Variants in RNF17 observed in about 807,000 individuals in gnomAD.
RNF17 encodes spermatogenesis associated 23.
Under a neutral mutation model 200.5 loss-of-function variants are expected in RNF17, and 31 were observed. The observed-to-expected ratio is 0.15, with a 90% CI of 0.12 to 0.21. The LOEUF is 0.21. RNF17 is among the 10% of genes least tolerant of loss of function. The probability of loss-of-function intolerance (pLI) is 1.00; values close to 1 mark genes in which losing one functional copy is unlikely to be tolerated. For missense variants in RNF17, 1,628 were observed against 1,905.1 expected, an observed-to-expected ratio of 0.85 and a Z score of 2.71; for synonymous variants, 606 against 637.8, an observed-to-expected ratio of 0.95 and a Z score of 0.75.
Position 24,851,516 on chromosome 13 carries a change from C to T in RNF17, c.3265C>T (p.Arg1089Cys), listed in dbSNP as rs752488820. 1.2e-5 allele frequency: 20 copies of T among 1,613,550 alleles called. No individual in the cohort carries two copies. Among genetic ancestry groups the T allele is most frequent in the East Asian group, 2.2e-5 (1 of 44,846 alleles). The change falls in exon 24 of 36, where the codon CGT becomes TGT. Residue 1089 changes from arginine (R) to cysteine (C), a missense_variant. Transcript: ENST00000255324. Reference sequence around the variant, plus strand: ...TTTCTGCAGAGATGAAAAAGGAGAGCGTGTTGATGTTTCTAAATATTTGAT... The same window carrying T: ...TTTCTGCAGAGATGAAAAAGGAGAGTGTGTTGATGTTTCTAAATATTTGAT... ...KIFCRDEKGE[R>C]VDVSKYLIKK...
chr13:24,834,683 AGCTCACTGG>A (rs1889774708), intron 18 of RNF17, among the ~76,000 whole-genome samples: 2 of 152,196 alleles, frequency 1.3e-5, no homozygotes, highest in Admixed American at 1.3e-4. Flanking sequence ...AGGCCCTGGG[AGCTCACTGG>A]GCCCCCAAGC....
chr13:24,832,277 A>G (rs1234131717), intron 18 of RNF17, among the ~76,000 whole-genome samples: 2 of 152,204 alleles, frequency 1.3e-5, no homozygotes, highest in African/African-American at 4.8e-5. Context: ...TGTCCTTAAC[A>G]TAGTGGATGC....
At chr13:24,799,316 A>T (rs1884970261) in intron 11 of RNF17, 79 bp from the exon 12 acceptor site, 1 of 1,070,000 alleles carries the variant, frequency 9.3e-7, no homozygotes, top group Non-Finnish European at 1.4e-6. Context: ...TTTTCGTGGT[A>T]GAACTAACGT....
intron 31 of RNF17, among the ~76,000 whole-genome samples, chr13:24,870,163 G>T (rs1894100008): frequency 6.6e-6 from 1 of 151,936 alleles, no homozygotes; most frequent in Admixed American, 6.6e-5. Context: ...AGCCAGGATG[G>T]TCTCGATCTC....
At chr13:24,801,191 T>C (rs1313886883) in intron 13 of RNF17, among the ~76,000 whole-genome samples, 1 of 152,236 alleles carries the variant, frequency 6.6e-6, no homozygotes, top group Non-Finnish European at 1.5e-5. Flanking sequence ...TTTAATTTTC[T>C]CTTTTTTAAC....
intron 33 of RNF17, among the ~76,000 whole-genome samples, chr13:24,874,993 C>G (rs1894704267): frequency 6.6e-6 from 1 of 152,158 alleles, no homozygotes; most frequent in Admixed American, 6.5e-5. Flanking sequence ...TTTAAAGATT[C>G]ATTCATGTTG....
intron 15 of RNF17, among the ~76,000 whole-genome samples, chr13:24,825,241 T>C (rs925689223): frequency 6.6e-6 from 1 of 152,128 alleles, no homozygotes; most frequent in Admixed American, 6.5e-5. Context: ...AAATGTGAGC[T>C]AGAAATACTA....
At chr13:24,887,240 A>T in the RNF17 span, among the ~76,000 whole-genome samples, 1 of 152,338 alleles carries the variant, frequency 6.6e-6, no homozygotes, top group South Asian at 2.1e-4. Flanking sequence ...CTAGGAGAAG[A>T]TACTGATTTG....
chr13:24,788,477 A>G (rs987885283), intron 7 of RNF17, among the ~76,000 whole-genome samples: 2 of 152,188 alleles, frequency 1.3e-5, no homozygotes, highest in Non-Finnish European at 2.9e-5. Context: ...GGTTTCTAGG[A>G]CACCCGATTA....
chr13:24,869,819 G>A (rs1466708062), intron 31 of RNF17, among the ~76,000 whole-genome samples: 2 of 152,066 alleles, frequency 1.3e-5, no homozygotes, highest in East Asian at 1.9e-4. Flanking sequence ...AGGCTGGAGA[G>A]TGCAGTGACA....
upstream of RNF17, among the ~76,000 whole-genome samples, chr13:24,760,952 TA>T (rs1002990354): frequency 1.1e-4 from 16 of 151,726 alleles, no homozygotes; most frequent in African/African-American, 3.4e-4. Flanking sequence ...GGAGATTATT[TA>T]AAAAAAAAGA....
At chr13:24,807,557 A>G (rs1445372797) in intron 15 of RNF17, among the ~76,000 whole-genome samples, 1 of 152,152 alleles carries the variant, frequency 6.6e-6, no homozygotes, top group Non-Finnish European at 1.5e-5. Context: ...CCTTTGTCAG[A>G]TGAGTAGGTT....
At chr13:24,812,436 T>A (rs1001667853) in intron 15 of RNF17, among the ~76,000 whole-genome samples, 59 of 152,048 alleles carry the variant, frequency 3.9e-4, no homozygotes, top group Admixed American at 3.3e-3. Context: ...TTTCTTTGAC[T>A]AGGAAAGGGA....
chr13:24,863,417 G>A (rs1893295800), intron 28 of RNF17, among the ~76,000 whole-genome samples: 1 of 152,154 alleles, frequency 6.6e-6, no homozygotes, highest in Non-Finnish European at 1.5e-5. Context: ...GTTTGGTGAA[G>A]AGTAGTGGTA....
At chr13:24,804,756 G>A (rs1056418961) in intron 15 of RNF17, among the ~76,000 whole-genome samples, 3 of 152,020 alleles carry the variant, frequency 2.0e-5, no homozygotes, top group Admixed American at 6.6e-5. Flanking sequence ...AAAATTTACC[G>A]ATTATTATTA....
At chr13:24,762,540 A>C, upstream of RNF17, among the ~76,000 whole-genome samples, 1 of 152,178 alleles carries the variant, frequency 6.6e-6, no homozygotes, top group Non-Finnish European at 1.5e-5. Context: ...TTAGTAGTGG[A>C]AACTATTGGA....
At chr13:24,776,853 A>T (rs1019994050) in intron 3 of RNF17, among the ~76,000 whole-genome samples, 2 of 152,222 alleles carry the variant, frequency 1.3e-5, no homozygotes, top group East Asian at 1.9e-4. Flanking sequence ...CAAACTCGAG[A>T]TCTGTACTTG....
chr13:24,767,008 TGTATCA>T (rs1879793485), intron 1 of RNF17, among the ~76,000 whole-genome samples: 1 of 152,110 alleles, frequency 6.6e-6, no homozygotes, highest in Non-Finnish European at 1.5e-5. Flanking sequence ...GAATTTCCCT[TGTATCA>T]GTATTGCCCA....
rs368215561 is a variant in RNF17, at chr13:24,879,230, A to G, written c.4817A>G (p.Gln1606Arg). ...ATAGTGACATTATATGACGATGAAC[A>G]GCATCCAGTTCATATGCCGTTGGTA... The part of the protein sequence containing the change: ...EQIVTLYDDE[Q>R]HPVHMPLVEM... Residue 1606 changes from glutamine (Q) to arginine (R), a missense_variant, in exon 35 of 36, where the codon CAG becomes CGG. Coordinates refer to ENST00000255324, the MANE Select transcript of RNF17 (RefSeq NM_031277.3). 18 of 1,613,762 alleles carry G rather than the reference A, an allele frequency of 1.1e-5. No individual in the cohort carries two copies. In the African/African-American group the frequency reaches 1.9e-4, roughly 17 times the overall value.
Sources: allele counts gnomAD v4.1 joint callset (sites outside exome capture counted in the v4.1 genomes callset), GRCh38; gene constraint gnomAD v4.1.1; transcripts MANE v1.5; gene names NCBI Gene and HGNC (gene_info 2026-07-23, HGNC 2026-07-21).